Variants in KIAA0319L observed in about 807,000 individuals in gnomAD.
The protein encoded by KIAA0319L is dyslexia-associated protein KIAA0319-like protein.
Under a neutral mutation model 120.1 loss-of-function variants are expected in KIAA0319L, and 55 were observed. The ratio of observed to expected loss-of-function variants is 0.46; its 90% CI spans 0.37 to 0.57. The LOEUF is 0.57. Ranked by LOEUF, KIAA0319L falls within the 20% of genes least tolerant of loss-of-function variation. The pLI is 0.00. For synonymous variants in KIAA0319L, 398 were observed against 471.9 expected (o/e 0.84, Z 2.03); for missense variants, 1,049 against 1,255.3 (o/e 0.84, Z 2.48).
At chr1:35,441,247 AG>A in intron 19 of KIAA0319L, 109 bp from the exon 20 acceptor site, 1 of 854,284 alleles carries the variant, frequency 1.2e-6, no homozygotes, top group Non-Finnish European at 1.9e-6. Context: ...ACCTACTGAG[AG>A]GGGTGTCCTC....
At chr1:35,519,068 T>G (rs190790999) in intron 2 of KIAA0319L, among the ~76,000 whole-genome samples, 9 of 152,260 alleles carry the variant, frequency 5.9e-5, no homozygotes, top group Admixed American at 2.0e-4. Context: ...GGCTATTTCT[T>G]ACTTAAAACG....
At chr1:35,521,909 C>T (rs1287355572) in intron 2 of KIAA0319L, among the ~76,000 whole-genome samples, 2 of 151,864 alleles carry the variant, frequency 1.3e-5, no homozygotes, top group Non-Finnish European at 2.9e-5. Context: ...GGAGGTGGAG[C>T]TTGCAGTGAG....
At chr1:35,501,555 C>T (rs1029203832) in intron 3 of KIAA0319L, among the ~76,000 whole-genome samples, 13 of 152,104 alleles carry the variant, frequency 8.5e-5, no homozygotes, top group African/African-American at 3.1e-4. Context: ...ATCCCAAGTC[C>T]TACCTGAACA....
In KIAA0319L at chr1:35,456,151, G is replaced by C. The variant is rs140131597; in HGVS notation, c.1518C>G (p.Asn506Lys). Residue 506 changes from asparagine to lysine, a missense_variant, in exon 10 of 21, where the codon AAC becomes AAG. Physicochemically the swap from Asn to Lys is moderately conservative, Grantham distance 94 (BLOSUM62 0). Transcript: ENST00000325722. ...NKAVDYPPVA[N>K]AGPNQVITLP... Reference sequence around the variant, plus strand: ...GGGTGATCACTTGGTTGGGGCCTGCGTTGGCCACAGGGGGGTAATCCACAG... The same window carrying C: ...GGGTGATCACTTGGTTGGGGCCTGCCTTGGCCACAGGGGGGTAATCCACAG... 1 of 1,613,782 alleles carries C rather than the reference G, an allele frequency of 6.2e-7. No individual in the cohort carries two copies. The highest frequency in any genetic ancestry group is 2.2e-5 in the East Asian group (1 of 44,854).
At chr1:35,457,589 T>A (rs144727047) in intron 9 of KIAA0319L, among the ~76,000 whole-genome samples, 68 of 152,166 alleles carry the variant, frequency 4.5e-4, no homozygotes, top group African/African-American at 1.4e-3. Context: ...CTGAACAGCC[T>A]AAAGCTTCTC....
At chr1:35,535,096 T>TAAA (rs56965473) in intron 2 of KIAA0319L, among the ~76,000 whole-genome samples, 28 of 56,316 alleles carry the variant, frequency 5.0e-4, no homozygotes, top group African/African-American at 8.3e-4. Context: ...GACTCCGTCT[T>TAAA]AAAAAAAAAA....
chr1:35,455,573 A>ATTTTTTTTTTT (rs551358599), intron 10 of KIAA0319L, among the ~76,000 whole-genome samples: 1 of 93,468 alleles, frequency 1.1e-5, no homozygotes, highest in Non-Finnish European at 1.9e-5. Flanking sequence ...ATTTAAGATA[A>ATTTTTTTTTTT]TTTTTTTTTT....
intron 17 of KIAA0319L, among the ~76,000 whole-genome samples, chr1:35,443,594 C>G (rs577760203): frequency 1.3e-5 from 2 of 152,084 alleles, no homozygotes; most frequent in African/African-American, 2.4e-5. Context: ...ATCACTTGAA[C>G]CCGGGGGGGC....
chr1:35,471,373 T>C (rs771509411), intron 5 of KIAA0319L, among the ~76,000 whole-genome samples: 8 of 152,216 alleles, frequency 5.3e-5, no homozygotes, highest in Non-Finnish European at 1.2e-4. Context: ...CTAAATAACA[T>C]GGTTCAAAAA....
intron 16 of KIAA0319L, among the ~76,000 whole-genome samples, 178 bp downstream of exon 16, chr1:35,447,995 T>C (rs1641761405): frequency 6.6e-6 from 1 of 152,190 alleles, no homozygotes; most frequent in African/African-American, 2.4e-5. Flanking sequence ...CTGAAGTGTC[T>C]AGTACAGCGC....
chr1:35,466,822 A>G, intron 6 of KIAA0319L, 127 bp from the exon 7 acceptor site: 1 of 690,612 alleles, frequency 1.4e-6, no homozygotes, highest in Non-Finnish European at 2.4e-6. Flanking sequence ...CAAAATGGAA[A>G]AGGTAAAGTA....
At chr1:35,435,637 C>T (rs1303050823) in intron 20 of KIAA0319L, 1 of 152,486 alleles carries the variant, frequency 6.6e-6, no homozygotes, top group African/African-American at 2.4e-5. Context: ...ACAGGTCTCT[C>T]CTGCTGGGAG....
chr1:35,486,258 C>G (rs1644380137), intron 3 of KIAA0319L, among the ~76,000 whole-genome samples: 1 of 151,208 alleles, frequency 6.6e-6, no homozygotes, highest in Non-Finnish European at 1.5e-5. Flanking sequence ...GTGGTGCGCA[C>G]TTGTAATCCC....
intron 6 of KIAA0319L, among the ~76,000 whole-genome samples, chr1:35,468,744 C>G (rs550863358): frequency 6.6e-6 from 1 of 152,348 alleles, no homozygotes; most frequent in Non-Finnish European, 1.5e-5. Context: ...TTCCAATCTA[C>G]TCACTTGTCT....
intron 3 of KIAA0319L, among the ~76,000 whole-genome samples, chr1:35,480,038 T>TTTA (rs1044391924): frequency 1.2e-4 from 18 of 151,814 alleles, no homozygotes; most frequent in Admixed American, 3.9e-4. Flanking sequence ...GAATGATTTT[T>TTTA]TTATTATTAT....
chr1:35,518,141 T>C (rs568578418), intron 2 of KIAA0319L, among the ~76,000 whole-genome samples: 12 of 152,164 alleles, frequency 7.9e-5, no homozygotes, highest in Non-Finnish European at 1.6e-4. Flanking sequence ...AGTTCAACCA[T>C]TGCGGAAAGC....
chr1:35,454,537 A>C (rs1281816596), intron 10 of KIAA0319L, 52 bp from the exon 11 acceptor site: 1 of 1,602,558 alleles, frequency 6.2e-7, no homozygotes, highest in Non-Finnish European at 8.5e-7. Context: ...ATCACATCAC[A>C]CAATAATTCC....
chr1:35,513,906 C>T (rs1295257771), intron 2 of KIAA0319L, among the ~76,000 whole-genome samples: 1 of 152,102 alleles, frequency 6.6e-6, no homozygotes, highest in Non-Finnish European at 1.5e-5. Context: ...ACAGAGGCCA[C>T]AAAACATAGG....
chr1:35,444,116 A>C, intron 17 of KIAA0319L, 45 bp downstream of exon 17: 5 of 1,514,620 alleles, frequency 3.3e-6, no homozygotes, highest in Non-Finnish European at 4.4e-6. Context: ...GGTGAGCTGC[A>C]GGCACTAGGT....
Sources: gnomAD v4.1 joint callset for allele counts (sites outside exome capture counted in the v4.1 genomes callset) on GRCh38, gnomAD v4.1.1 for gene constraint, MANE v1.5 for transcripts, NCBI Gene and HGNC (gene_info 2026-07-23, HGNC 2026-07-21) for gene names.